Variants in RABGAP1L observed in about 807,000 individuals in gnomAD.
RABGAP1L encodes the protein rab GTPase-activating protein 1-like.
A neutral mutation model predicts 137.7 loss-of-function variants in RABGAP1L; 63 were observed. That is an observed-to-expected ratio of 0.46 (90% CI 0.37 to 0.56). RABGAP1L has a LOEUF of 0.56. Among genes scored for constraint, RABGAP1L ranks in the 20% least tolerant of loss-of-function variants. The pLI is 0.00. For missense variants in RABGAP1L, 1,095 were observed against 1,244.0 expected (o/e 0.88, Z 1.80); for synonymous variants, 431 against 433.7 (o/e 0.99, Z 0.08).
rs770558370 is a variant in RABGAP1L, at chr1:174,811,944, A to G, written c.2324A>G (p.Gln775Arg). 4.1e-5 allele frequency: 66 copies of G among 1,601,004 alleles called. No individual in the cohort carries two copies. Among genetic ancestry groups the G allele is most frequent in the East Asian group, 3.4e-4 (15 of 44,544 alleles). The change falls in exon 19 of 26, where the codon CAG becomes CGG. Residue 775 changes from glutamine (Q) to arginine (R), a missense_variant. Physicochemically the swap from Gln to Arg is conservative, Grantham distance 43. Around this residue, in one of 4 missense-constraint regions of RABGAP1L, gnomAD observed 312 missense variants for 435.6 expected, o/e 0.72. Transcript: ENST00000681986. Reference sequence around the variant, plus strand: ...GAAAATGCAAGAAGACTGATGGAGCAGGCTTGCAATATTAAAGTAAGAACA... The same window carrying G: ...GAAAATGCAAGAAGACTGATGGAGCGGGCTTGCAATATTAAAGTAAGAACA... ...AEENARRLME[Q>R]ACNIKVPTKK...
chr1:174,958,954 TG>T (rs1668852424), intron 20 of RABGAP1L, among the ~76,000 whole-genome samples: 1 of 152,248 alleles, frequency 6.6e-6, no homozygotes, highest in Admixed American at 6.5e-5. Context: ...GTTCAATAAA[TG>T]GCTGTTATTT....
intron 19 of RABGAP1L, among the ~76,000 whole-genome samples, chr1:174,885,094 C>G (rs533999196): frequency 4.6e-5 from 7 of 152,300 alleles, no homozygotes; most frequent in African/African-American, 1.7e-4. Context: ...AAATTGGAGT[C>G]TGCAAGAGAA....
chr1:174,831,239 C>T (rs1692083812), intron 19 of RABGAP1L, among the ~76,000 whole-genome samples: 1 of 148,144 alleles, frequency 6.8e-6, no homozygotes, highest in Non-Finnish European at 1.5e-5. Context: ...GAAAATAGCA[C>T]TTGAGAATAT....
At chr1:174,751,356 G>GT (rs1461713484) in intron 17 of RABGAP1L, among the ~76,000 whole-genome samples, 1 of 152,188 alleles carries the variant, frequency 6.6e-6, no homozygotes, top group African/African-American at 2.4e-5. Context: ...TTTATTATAA[G>GT]TTTTTTGGAT....
intron 18 of RABGAP1L, among the ~76,000 whole-genome samples, chr1:174,781,446 T>A (rs1437302714): frequency 2.0e-5 from 3 of 152,202 alleles, no homozygotes; most frequent in Non-Finnish European, 2.9e-5. Flanking sequence ...GTTTGAGTTC[T>A]TTGTAGATTC....
At chr1:174,396,654 T>G (rs2149090587) in intron 13 of RABGAP1L, among the ~76,000 whole-genome samples, 1 of 150,684 alleles carries the variant, frequency 6.6e-6, no homozygotes, top group South Asian at 2.1e-4. Context: ...CCATACCCCT[T>G]TTTTCACTAA....
Position 174,946,974 on chromosome 1 carries a change from G to A in RABGAP1L, c.2341-10483G>A, listed in dbSNP as rs1476736172. On this transcript the variant is annotated intron_variant, in intron 19 of 25. Coordinates refer to ENST00000681986, the MANE Select transcript of RABGAP1L (RefSeq NM_001366446.1). ...TGTGTGTGTGTGTGTGTGTGTGTGT[G>A]TGTGTGTATATATATGTATATATAT... 6.5e-4 allele frequency among the ~76,000 whole-genome samples: 78 copies of A among 119,656 alleles called. 1 individual carries two copies. The highest frequency in any genetic ancestry group is 1.1e-3 in the Non-Finnish European group (62 of 57,222). The allele number at this position is 119,656 out of a possible 152,430, so 78.5% of individuals were successfully genotyped here. A position where few individuals can be genotyped will look rare whatever the true frequency, so the allele number is the denominator to read the frequency against.
At chr1:174,331,080 A>G (rs184095410) in intron 11 of RABGAP1L, among the ~76,000 whole-genome samples, 1 of 152,340 alleles carries the variant, frequency 6.6e-6, no homozygotes. Context: ...AAGAACACAC[A>G]ATGGGGAAAG....
At chr1:174,371,557 A>G (rs1056197020) in intron 12 of RABGAP1L, among the ~76,000 whole-genome samples, 1 of 152,000 alleles carries the variant, frequency 6.6e-6, no homozygotes, top group Admixed American at 6.6e-5. Flanking sequence ...ATTTTGGCGT[A>G]TTTTATGTGG....
At chr1:174,192,376 T>A (rs1198172831) in intron 1 of RABGAP1L, among the ~76,000 whole-genome samples, 1 of 144,872 alleles carries the variant, frequency 6.9e-6, no homozygotes, top group African/African-American at 2.6e-5. Flanking sequence ...CAGCCTGGAG[T>A]GCAGTGGCAT....
intron 13 of RABGAP1L, among the ~76,000 whole-genome samples, chr1:174,542,614 G>C (rs1665572204): frequency 6.6e-6 from 1 of 152,018 alleles, no homozygotes; most frequent in Admixed American, 6.6e-5. Flanking sequence ...TCTGATCTTA[G>C]TTATTTCTTG....
At chr1:174,624,268 C>G (rs1378101522) in intron 13 of RABGAP1L, among the ~76,000 whole-genome samples, 8 of 152,192 alleles carry the variant, frequency 5.3e-5, no homozygotes, top group Non-Finnish European at 7.3e-5. Flanking sequence ...AGGCCACTTT[C>G]ACCACTTTAC....
chr1:174,488,762 T>C (rs1397416897), intron 13 of RABGAP1L, among the ~76,000 whole-genome samples: 1 of 152,126 alleles, frequency 6.6e-6, no homozygotes, highest in African/African-American at 2.4e-5. Flanking sequence ...AGTTTGTCTT[T>C]TTTGTCTATT....
intron 13 of RABGAP1L, among the ~76,000 whole-genome samples, chr1:174,598,477 TG>T (rs1207011439): frequency 6.6e-6 from 1 of 152,230 alleles, no homozygotes; most frequent in African/African-American, 2.4e-5. Context: ...TCAGTCTGGA[TG>T]ATCTGTCCAG....
chr1:174,874,363 C>A, intron 19 of RABGAP1L: 2 of 532,538 alleles, frequency 3.8e-6, no homozygotes, highest in Non-Finnish European at 4.8e-6. Flanking sequence ...ATTTACATGA[C>A]CATGAGGAAA....
At chr1:174,686,645 A>AAT (rs1291766263) in intron 15 of RABGAP1L, among the ~76,000 whole-genome samples, 1 of 131,050 alleles carries the variant, frequency 7.6e-6, no homozygotes, top group Non-Finnish European at 1.6e-5. Context: ...TGAACAAAGC[A>AAT]ATCTTTTTTT....
At chr1:174,957,736 T>C (rs1181670038) in intron 20 of RABGAP1L, 187 bp downstream of exon 20, 5 of 881,952 alleles carry the variant, frequency 5.7e-6, no homozygotes, top group African/African-American at 1.7e-5. Flanking sequence ...TTTTTTTTTT[T>C]TTTTTTTTTT....
At chr1:174,433,189 A>G (rs1571779459) in intron 13 of RABGAP1L, among the ~76,000 whole-genome samples, 1 of 152,228 alleles carries the variant, frequency 6.6e-6, no homozygotes, top group Admixed American at 6.5e-5. Flanking sequence ...TGGTGCAGCC[A>G]TCATGCCAAC....
intron 13 of RABGAP1L, among the ~76,000 whole-genome samples, chr1:174,544,628 C>T (rs1198681054): frequency 1.3e-5 from 2 of 152,216 alleles, no homozygotes; most frequent in African/African-American, 2.4e-5. Flanking sequence ...CTCTATCCAG[C>T]TTTGTTCTAT....
Sources: gnomAD v4.1 joint callset for allele counts (sites outside exome capture counted in the v4.1 genomes callset) on GRCh38, gnomAD v4.1.1 for gene constraint, gnomAD v4.1.1 regional missense constraint, MANE v1.5 for transcripts, NCBI Gene and HGNC (gene_info 2026-07-23, HGNC 2026-07-21) for gene names.